PDS5A: variants seen among roughly 807,000 people sequenced by gnomAD.
PDS5A encodes PDS5 cohesin associated factor A, also known as sister chromatid cohesion protein PDS5 homolog A.
Under a neutral mutation model 167.1 loss-of-function variants are expected in PDS5A, and 42 were observed. That is an observed-to-expected ratio of 0.25 (90% CI 0.20 to 0.33). PDS5A has a LOEUF of 0.33. Ranked by LOEUF, PDS5A falls within the 10% of genes least tolerant of loss-of-function variation. The pLI is 1.00. For missense variants in PDS5A, 1,033 were observed against 1,605.9 expected, an observed-to-expected ratio of 0.64 and a Z score of 6.10; for synonymous variants, 553 against 554.6, an observed-to-expected ratio of 1.00 and a Z score of 0.04.
At chr4:39,864,976 T>A (rs895359943) in intron 23 of PDS5A, among the ~76,000 whole-genome samples, 10 of 152,128 alleles carry the variant, frequency 6.6e-5, no homozygotes, top group African/African-American at 2.4e-4. Context: ...GATTCTTTTA[T>A]ACTCATGAAT....
chr4:39,925,764 T>G (rs980326027), intron 5 of PDS5A, 72 bp downstream of exon 5: 1 of 494,684 alleles, frequency 2.0e-6, no homozygotes. Context: ...TTAGTGTACA[T>G]GTAGAGTATA....
chr4:39,944,920 T>C (rs1197106948), intron 2 of PDS5A, among the ~76,000 whole-genome samples: 1 of 152,158 alleles, frequency 6.6e-6, no homozygotes, highest in East Asian at 1.9e-4. Context: ...GCTCAAACTG[T>C]TTCCATTTTA....
chr4:39,908,599 A>T (rs1352062888), intron 10 of PDS5A, 59 bp from the exon 11 acceptor site: 2 of 1,022,814 alleles, frequency 2.0e-6, no homozygotes, highest in Non-Finnish European at 1.5e-6. Flanking sequence ...GTCATGATTT[A>T]GAATGGCAAG....
At chr4:39,889,205 G>A (rs1215061310) in intron 17 of PDS5A, among the ~76,000 whole-genome samples, 2 of 152,148 alleles carry the variant, frequency 1.3e-5, no homozygotes, top group Non-Finnish European at 2.9e-5. Context: ...GACATGCTGC[G>A]TGCACAGAGA....
intron 16 of PDS5A, among the ~76,000 whole-genome samples, chr4:39,894,594 T>C (rs549468066): frequency 1.3e-5 from 2 of 152,292 alleles, no homozygotes; most frequent in East Asian, 3.9e-4. Context: ...TATTCAGATC[T>C]CTATGCTGAA....
At chr4:39,871,810 TCTC>T (rs1469639602) in intron 21 of PDS5A, among the ~76,000 whole-genome samples, 1 of 152,102 alleles carries the variant, frequency 6.6e-6, no homozygotes, top group African/African-American at 2.4e-5. Flanking sequence ...TTCAAGCGAT[TCTC>T]CTGCCTCAGC....
intron 17 of PDS5A, among the ~76,000 whole-genome samples, chr4:39,880,973 C>T (rs1227344193): frequency 1.3e-5 from 2 of 151,170 alleles, no homozygotes; most frequent in Non-Finnish European, 2.9e-5. Context: ...TTTCCAGCTT[C>T]TTGTTTCCTC....
At chr4:39,891,804 C>T (rs770729210) in intron 16 of PDS5A, among the ~76,000 whole-genome samples, 28 of 151,952 alleles carry the variant, frequency 1.8e-4, no homozygotes, top group Non-Finnish European at 3.4e-4. Context: ...TGATAGATAA[C>T]CCCAATAATA....
At chr4:39,973,997 G>T in intron 2 of PDS5A, 1 of 457,820 alleles carries the variant, frequency 2.2e-6, no homozygotes, top group Non-Finnish European at 4.1e-6. Flanking sequence ...ATGATGGCGG[G>T]CGCCCGTGGT....
At chr4:39,858,451 ATC>A (rs1331509957) in intron 26 of PDS5A, among the ~76,000 whole-genome samples, 1 of 152,188 alleles carries the variant, frequency 6.6e-6, no homozygotes, top group Admixed American at 6.5e-5. Context: ...GCCAAAACCA[ATC>A]TCTGGGGAAA....
intron 22 of PDS5A, among the ~76,000 whole-genome samples, chr4:39,869,024 A>G (rs999885028): frequency 6.6e-6 from 1 of 152,210 alleles, no homozygotes; most frequent in Non-Finnish European, 1.5e-5. Context: ...TCTCTCTATA[A>G]AACAGCCTCA....
At chr4:39,850,538 A>C (rs1718037543) in intron 26 of PDS5A, among the ~76,000 whole-genome samples, 1 of 152,238 alleles carries the variant, frequency 6.6e-6, no homozygotes, top group Non-Finnish European at 1.5e-5. Flanking sequence ...AACACCCAGC[A>C]ATAATGAGCA....
chr4:39,838,949 T>C (rs537745747), intron 31 of PDS5A, among the ~76,000 whole-genome samples: 5 of 151,428 alleles, frequency 3.3e-5, no homozygotes, highest in South Asian at 2.1e-4. Context: ...AATTGCACCA[T>C]TGTACTCCAG....
chr4:39,835,686 C>A (rs1321951645), intron 32 of PDS5A, among the ~76,000 whole-genome samples: 1 of 152,132 alleles, frequency 6.6e-6, no homozygotes, highest in Admixed American at 6.5e-5. Flanking sequence ...CCAAGCCCAG[C>A]TAATTTTTGC....
chr4:39,862,842 G>C, intron 25 of PDS5A, 27 bp downstream of exon 25: 1 of 1,387,700 alleles, frequency 7.2e-7, no homozygotes, highest in Non-Finnish European at 1.0e-6. Context: ...AAATATATTT[G>C]CACACGGAGA....
intron 32 of PDS5A, among the ~76,000 whole-genome samples, chr4:39,834,201 G>C (rs1331322245): frequency 1.4e-5 from 2 of 143,398 alleles, no homozygotes; most frequent in South Asian, 2.2e-4. Flanking sequence ...AAAAAAAAAA[G>C]GGTACTAAGA....
chr4:39,900,453 T>C lies in PDS5A; in HGVS notation c.1554A>G (p.Glu518=). 2 of 1,583,352 alleles carry C rather than the reference T, an allele frequency of 1.3e-6. No homozygotes were observed. The highest frequency in any genetic ancestry group is 1.7e-6 in the Non-Finnish European group (2 of 1,162,730). Reference sequence around the variant, plus strand: ...TAGGCTGCTTGTGCAAATCCAATAGTTCGCGTACATGGCTCCGAAGCATGT... The same window carrying C: ...TAGGCTGCTTGTGCAAATCCAATAGCTCGCGTACATGGCTCCGAAGCATGT... The part of the protein sequence containing the change: ...CQNMLRSHVR[E]LLDLHKQPTS... The change falls in exon 14 of 33, where the codon GAA becomes GAG. Residue 518 remains glutamate (E), a synonymous_variant. Coordinates refer to ENST00000303538, the MANE Select transcript of PDS5A (RefSeq NM_001100399.2).
In PDS5A at chr4:39,877,081, T is replaced by G. The variant is rs1241699542; in HGVS notation, c.2065A>C (p.Met689Leu). 6.2e-7 allele frequency: 1 copy of G among 1,608,622 alleles called. No individual in the cohort carries two copies. The highest frequency in any genetic ancestry group is 1.3e-5 in the African/African-American group (1 of 74,816). The part of the protein sequence containing the change: ...TYESLLQCLR[M>L]EDDKVAEAAI... ...GCTTCTGCTACCTTGTCATCCTCCA[T>G]TCTTAGGCACTGTAACAAGGACTCA... The change falls in exon 19 of 33, where the codon ATG (methionine) becomes CTG (leucine). Residue 689 changes from methionine (M) to leucine (L), a missense_variant. Physicochemically the swap from Met to Leu is conservative, Grantham distance 15 (BLOSUM62 2). Coordinates refer to ENST00000303538, the MANE Select transcript of PDS5A (RefSeq NM_001100399.2).
At position 39,877,181 on chromosome 4, in the gene PDS5A, TAC is replaced by T. The variant is rs1553894374; in HGVS notation, c.1993-30_1993-29del. ...GAAAAAACAGATACAGCTTTAGAAGTACAGACAATGGTTTTAATCCATTAAAA... is the reference window on the plus strand; with the variant it reads ...GAAAAAACAGATACAGCTTTAGAAGTAGACAATGGTTTTAATCCATTAAAA... On this transcript the variant is annotated intron_variant, in intron 18 of 32. Coordinates refer to ENST00000303538, the MANE Select transcript of PDS5A (RefSeq NM_001100399.2). The T allele has an allele frequency of 2.8e-6, 4 of 1,422,804 alleles. 1 individual carries two copies. Among genetic ancestry groups the T allele is most frequent in the Non-Finnish European group, 2.8e-6 (3 of 1,055,800 alleles). 88.1% of individuals were successfully genotyped at this position (1,422,804 alleles called of 1,614,324 possible).
Sources: gnomAD v4.1 joint callset for allele counts (sites outside exome capture counted in the v4.1 genomes callset) on GRCh38, gnomAD v4.1.1 for gene constraint, MANE v1.5 for transcripts, NCBI Gene and HGNC (gene_info 2026-07-23, HGNC 2026-07-21) for gene names.